The following COL26A1 variants were observed in gnomAD, a reference collection of about 807,000 sequenced individuals.
COL26A1 encodes collagen alpha-1(XXVI) chain.
Under a neutral mutation model 59.3 loss-of-function variants are expected in COL26A1, and 41 were observed. The ratio of observed to expected loss-of-function variants is 0.69; its 90% confidence interval spans 0.54 to 0.90. COL26A1 has a LOEUF of 0.90. Among genes scored for constraint, COL26A1 ranks in the 40% least tolerant of loss-of-function variants. The pLI, the probability that COL26A1 is intolerant of heterozygous loss-of-function variation, is 0.00. For synonymous variants in COL26A1, 266 were observed against 256.0 expected (o/e 1.04, Z -0.37); for missense variants, 612 against 602.3 (o/e 1.02, Z -0.17).
At chr7:101,489,785 T>C (rs981997004) in intron 3 of COL26A1, among the ~76,000 whole-genome samples, 2 of 2,098 alleles carry the variant, frequency 9.5e-4, no homozygotes, top group East Asian at 5.0e-3. Flanking sequence ...TTTCTTTCTT[T>C]CTTTCTTTCT....
chr7:101,461,308 C>T (rs909983165), intron 3 of COL26A1, among the ~76,000 whole-genome samples: 46 of 148,148 alleles, frequency 3.1e-4, no homozygotes, highest in African/African-American at 6.3e-4. Flanking sequence ...CCTCCTCCTT[C>T]TTTTTTTTTG....
At chr7:101,497,802 T>A (rs6465813) in intron 3 of COL26A1, among the ~76,000 whole-genome samples, 2 of 151,982 alleles carry the variant, frequency 1.3e-5, no homozygotes, top group Non-Finnish European at 2.9e-5. Context: ...GCAACATAGC[T>A]AGGCCCCATC....
At chr7:101,484,572 T>C (rs902130587) in intron 3 of COL26A1, among the ~76,000 whole-genome samples, 2 of 151,890 alleles carry the variant, frequency 1.3e-5, no homozygotes, top group African/African-American at 4.8e-5. Context: ...GGTTTCACCA[T>C]GTTGGTCAGG....
chr7:101,409,921 C>T (rs541393208), intron 1 of COL26A1, among the ~76,000 whole-genome samples: 13 of 152,160 alleles, frequency 8.5e-5, no homozygotes, highest in East Asian at 1.9e-4. Flanking sequence ...CCACCACGCC[C>T]GGCTAATTTT....
At chr7:101,434,961 G>A (rs971089973) in intron 2 of COL26A1, among the ~76,000 whole-genome samples, 1 of 152,176 alleles carries the variant, frequency 6.6e-6, no homozygotes, top group African/African-American at 2.4e-5. Flanking sequence ...TCCCTTGGGA[G>A]TGACATTTAG....
intron 3 of COL26A1, among the ~76,000 whole-genome samples, chr7:101,475,702 G>A (rs1005740838): frequency 6.6e-6 from 1 of 151,838 alleles, no homozygotes; most frequent in Non-Finnish European, 1.5e-5. Context: ...GGATGTGCGT[G>A]GCGATGATGC....
At position 101,362,929 on chromosome 7, in the gene COL26A1, C is replaced by A; in HGVS notation, c.-104C>A. The A allele has an allele frequency of 8.0e-7, 1 of 1,242,566 alleles. No homozygotes were observed. The highest frequency in any genetic ancestry group is 1.1e-6 in the Non-Finnish European group (1 of 932,712). 77.0% of individuals were successfully genotyped at this position (1,242,566 alleles called of 1,614,324 possible). A position where few individuals can be genotyped will look rare whatever the true frequency, so the allele number is the denominator to read the frequency against. The stretch of plus-strand genomic sequence containing the variant: ...GGCTCCGACCGCTCGCCCCGCTCCT[C>A]TCGCTGTGCTCCCGGCCGGTGCCGC... On this transcript the variant is annotated 5_prime_UTR_variant, in exon 1 of 13. Transcript: ENST00000313669.
chr7:101,524,591 A>T (rs964714372), intron 3 of COL26A1, among the ~76,000 whole-genome samples: 4 of 152,146 alleles, frequency 2.6e-5, no homozygotes, highest in African/African-American at 9.7e-5. Flanking sequence ...ATCCATGAAC[A>T]TAGTATATCT....
intron 2 of COL26A1, among the ~76,000 whole-genome samples, chr7:101,427,824 G>A (rs2130305489): frequency 6.6e-6 from 1 of 152,196 alleles, no homozygotes; most frequent in Admixed American, 6.6e-5. Context: ...TTCAGGAGCT[G>A]TAGGGGACCC....
chr7:101,557,814 T>G lies in COL26A1; in HGVS notation c.*284T>G. ...GTGCTGGGAATGAGAATAATCCTAA[T>G]ACCCATCATTTATTGAGTCCCTGCT... On this transcript the variant is annotated 3_prime_UTR_variant, in exon 13 of 13. Coordinates refer to ENST00000313669, the MANE Select transcript of COL26A1 (RefSeq NM_001278563.3). The G allele has an allele frequency of 1.5e-5, 5 of 328,272 alleles. No individual in the cohort carries two copies. The highest frequency in any genetic ancestry group is 1.7e-5 in the Non-Finnish European group (3 of 179,870). The allele number at this position is 328,272 out of a possible 1,614,324, so 20.3% of individuals were successfully genotyped here.
intron 1 of COL26A1, among the ~76,000 whole-genome samples, chr7:101,380,967 T>G (rs1791433706): frequency 6.6e-6 from 1 of 152,196 alleles, no homozygotes; most frequent in Non-Finnish European, 1.5e-5. Context: ...GGTTCTAGGT[T>G]GTTCTCTGTC....
At chr7:101,415,770 C>T (rs1356508281) in intron 1 of COL26A1, among the ~76,000 whole-genome samples, 1 of 152,064 alleles carries the variant, frequency 6.6e-6, no homozygotes, top group Non-Finnish European at 1.5e-5. Context: ...GCTGGGACCA[C>T]AGGCATGTGC....
intron 3 of COL26A1, among the ~76,000 whole-genome samples, chr7:101,466,890 A>G (rs1331645744): frequency 1.3e-5 from 2 of 150,216 alleles, no homozygotes; most frequent in Non-Finnish European, 3.0e-5. Flanking sequence ...GGGTCTCAGT[A>G]TGGATCCCCT....
chr7:101,519,544 G>C (rs564083852), intron 3 of COL26A1, among the ~76,000 whole-genome samples: 24 of 152,192 alleles, frequency 1.6e-4, no homozygotes, highest in Non-Finnish European at 2.8e-4. Flanking sequence ...CAGGGGACAG[G>C]CTTCCTGCTC....
chr7:101,493,757 T>TAAAAA (rs57268952), intron 3 of COL26A1, among the ~76,000 whole-genome samples: 3 of 69,222 alleles, frequency 4.3e-5, no homozygotes, highest in African/African-American at 2.0e-4. Flanking sequence ...CCATCTCTAC[T>TAAAAA]AAAAAAAAAA....
chr7:101,398,793 G>A (rs1791923586), intron 1 of COL26A1, among the ~76,000 whole-genome samples: 1 of 152,156 alleles, frequency 6.6e-6, no homozygotes, highest in African/African-American at 2.4e-5. Flanking sequence ...CGACTTTGCT[G>A]AGTCGAAGCC....
intron 3 of COL26A1, among the ~76,000 whole-genome samples, chr7:101,507,296 C>G (rs191779968): frequency 2.4e-3 from 371 of 152,268 alleles, no homozygotes; most frequent in African/African-American, 8.2e-3. Flanking sequence ...AATCAGAAAC[C>G]TCAAAGCCTC....
chr7:101,527,303 TTC>T (rs926723532), intron 3 of COL26A1, among the ~76,000 whole-genome samples: 1 of 151,824 alleles, frequency 6.6e-6, no homozygotes, highest in African/African-American at 2.4e-5. Context: ...GTCTGTCTCT[TTC>T]TCTTTTCTTT....
chr7:101,390,207 G>C (rs1414937173), intron 1 of COL26A1, among the ~76,000 whole-genome samples: 1 of 138,562 alleles, frequency 7.2e-6, no homozygotes, highest in East Asian at 2.2e-4. Context: ...ATCCAGGCTA[G>C]GGTGCAGTGG....
Sources: allele counts gnomAD v4.1 joint callset (sites outside exome capture counted in the v4.1 genomes callset), GRCh38; gene constraint gnomAD v4.1.1; transcripts MANE v1.5; gene names NCBI Gene and HGNC (gene_info 2026-07-23, HGNC 2026-07-21).